The following MEGF11 variants were observed in gnomAD, a reference collection of about 807,000 sequenced individuals.
The protein encoded by MEGF11 is multiple EGF like domains 11.
MEGF11 carries 126 observed loss-of-function variants against 146.6 expected under a neutral mutation model. The observed-to-expected ratio is 0.86, with a 90% CI of 0.74 to 1.00. The LOEUF is 1.00. MEGF11 is among the 50% of genes least tolerant of loss of function. The pLI is 0.00. For missense variants in MEGF11, 1,509 were observed against 1,521.2 expected (o/e 0.99, Z 0.13); for synonymous variants, 532 against 583.4 (o/e 0.91, Z 1.27).
At chr15:65,916,348 C>A in intron 17 of MEGF11, 72 bp from the exon 18 acceptor site, 1 of 1,480,992 alleles carries the variant, frequency 6.8e-7, no homozygotes, top group South Asian at 1.3e-5. Flanking sequence ...GGAACCAGAC[C>A]TGTCTTCTGT....
chr15:66,219,511 C>T (rs1325815945), intron 1 of MEGF11, among the ~76,000 whole-genome samples: 1 of 152,190 alleles, frequency 6.6e-6, no homozygotes, highest in Admixed American at 6.5e-5. Context: ...TCAATGAGAT[C>T]TCATGCAGAA....
At chr15:65,946,276 G>A (rs1357014716) in intron 10 of MEGF11, among the ~76,000 whole-genome samples, 1 of 152,190 alleles carries the variant, frequency 6.6e-6, no homozygotes, top group Non-Finnish European at 1.5e-5. Context: ...CGAGCAAAGG[G>A]TGAACCTACC....
chr15:66,141,054 G>A (rs2089125553), intron 1 of MEGF11, among the ~76,000 whole-genome samples: 1 of 152,062 alleles, frequency 6.6e-6, no homozygotes, highest in South Asian at 2.1e-4. Flanking sequence ...ACTGTGCCAG[G>A]TGCCAGCCTT....
chr15:66,158,767 T>C (rs959549206), intron 1 of MEGF11, among the ~76,000 whole-genome samples: 1 of 152,208 alleles, frequency 6.6e-6, no homozygotes, highest in Non-Finnish European at 1.5e-5. Context: ...AAATATCTCC[T>C]TCACCTTTGG....
At chr15:66,098,458 T>G (rs1467114848) in intron 4 of MEGF11, among the ~76,000 whole-genome samples, 2 of 152,228 alleles carry the variant, frequency 1.3e-5, no homozygotes, top group Non-Finnish European at 2.9e-5. Flanking sequence ...TTAATGGAAC[T>G]ATAAAAATTA....
intron 5 of MEGF11, among the ~76,000 whole-genome samples, chr15:65,988,708 A>G (rs186980207): frequency 2.6e-4 from 39 of 152,296 alleles, no homozygotes; most frequent in African/African-American, 7.9e-4. Context: ...TGCCTTCACT[A>G]CTGTATAGGA....
At chr15:66,197,375 C>T (rs1029560186) in intron 1 of MEGF11, among the ~76,000 whole-genome samples, 6 of 152,102 alleles carry the variant, frequency 3.9e-5, no homozygotes, top group African/African-American at 1.4e-4. Flanking sequence ...TGCACATTTT[C>T]CCTGCCTTTG....
rs1215276359 is a variant in MEGF11, at chr15:65,895,834, C to T, written c.*2100G>A. On this transcript the variant is annotated 3_prime_UTR_variant, in exon 26 of 26. Transcript: ENST00000395614. ...AAAAAAGGGAGCCCAGAGAGGGCGACTAACTTGACCAGAGTAACACTGAAA... is the reference window on the plus strand; with the variant it reads ...AAAAAAGGGAGCCCAGAGAGGGCGATTAACTTGACCAGAGTAACACTGAAA... 3 of 152,310 alleles carry T rather than the reference C, an allele frequency of 2.0e-5. No individual in the cohort carries two copies. The highest frequency in any genetic ancestry group is 7.2e-5 in the African/African-American group (3 of 41,466). 9.4% of individuals were successfully genotyped at this position (152,310 alleles called of 1,614,324 possible).
chr15:66,017,801 G>C (rs1051378626), intron 5 of MEGF11, among the ~76,000 whole-genome samples: 1 of 152,360 alleles, frequency 6.6e-6, no homozygotes, highest in South Asian at 2.1e-4. Context: ...GCCTAAGAGT[G>C]AGTGAGCAGG....
chr15:65,898,699 T>G, intron 25 of MEGF11, 29 bp downstream of exon 25: 1 of 1,611,398 alleles, frequency 6.2e-7, no homozygotes, highest in Non-Finnish European at 8.5e-7. Context: ...TGCCCTGATT[T>G]CACTAAGTTA....
chr15:66,159,822 C>A (rs558351546), intron 1 of MEGF11, among the ~76,000 whole-genome samples: 1 of 151,806 alleles, frequency 6.6e-6, no homozygotes, highest in African/African-American at 2.4e-5. Context: ...GCTGGATTCT[C>A]GAAGGGTTAA....
At chr15:66,087,000 CCAA>C (rs2140605214) in intron 5 of MEGF11, among the ~76,000 whole-genome samples, 1 of 152,230 alleles carries the variant, frequency 6.6e-6, no homozygotes, top group South Asian at 2.1e-4. Flanking sequence ...CAACTGGACA[CCAA>C]AAGCGAGCAG....
At chr15:66,042,603 C>T (rs1256491424) in intron 5 of MEGF11, among the ~76,000 whole-genome samples, 1 of 152,188 alleles carries the variant, frequency 6.6e-6, no homozygotes, top group East Asian at 1.9e-4. Context: ...CATTTATCAA[C>T]TCACAGTTCC....
intron 1 of MEGF11, among the ~76,000 whole-genome samples, chr15:66,170,949 G>C (rs1031938896): frequency 6.6e-6 from 1 of 152,184 alleles, no homozygotes; most frequent in Non-Finnish European, 1.5e-5. Context: ...CTGCCCCGGG[G>C]GACCACCAAA....
chr15:66,091,268 G>T (rs928021368), intron 5 of MEGF11, among the ~76,000 whole-genome samples: 14 of 152,186 alleles, frequency 9.2e-5, no homozygotes, highest in African/African-American at 3.4e-4. Context: ...CATGTAGCAA[G>T]CAGGCTCAAA....
intron 5 of MEGF11, among the ~76,000 whole-genome samples, chr15:66,082,735 G>T (rs189445245): frequency 6.9e-6 from 1 of 144,650 alleles, no homozygotes; most frequent in Non-Finnish European, 1.5e-5. Flanking sequence ...TGCACACAGC[G>T]GGAGCACAAA....
intron 19 of MEGF11, 182 bp from the exon 20 acceptor site, chr15:65,914,155 A>G: frequency 1.7e-6 from 1 of 596,078 alleles, no homozygotes; most frequent in Non-Finnish European, 3.0e-6. Flanking sequence ...CCTAAAGGGG[A>G]TGGAGTCTCA....
chr15:65,922,466 G>C lies in MEGF11; in HGVS notation c.1829C>G (p.Pro610Arg). The C allele has an allele frequency of 6.4e-7, 1 of 1,571,684 alleles. No homozygotes were observed. ...FRGPLCQRIC[P>R]PGFYGHGCAQ... is the part of the protein sequence containing the mutation. Reference sequence around the variant, plus strand: ...GCAGCCGTGGCCATAGAACCCAGGGGGGCAGACTGAGGGTGAAGGGAAGAT... The same window carrying C: ...GCAGCCGTGGCCATAGAACCCAGGGCGGCAGACTGAGGGTGAAGGGAAGAT... The change falls in exon 15 of 26, where the codon CCC becomes CGC. Residue 610 changes from proline to arginine, a missense_variant. Pro to Arg is a moderately radical substitution (Grantham distance 103). Coordinates refer to ENST00000395614, the MANE Select transcript of MEGF11 (RefSeq NM_001385028.1).
intron 1 of MEGF11, among the ~76,000 whole-genome samples, chr15:66,230,761 G>A (rs2091951970): frequency 6.6e-6 from 1 of 152,106 alleles, no homozygotes; most frequent in Non-Finnish European, 1.5e-5. Flanking sequence ...CTCTACCTGG[G>A]GTCTCCAAAA....
Sources: allele counts gnomAD v4.1 joint callset (sites outside exome capture counted in the v4.1 genomes callset), GRCh38; gene constraint gnomAD v4.1.1; transcripts MANE v1.5; gene names NCBI Gene and HGNC (gene_info 2026-07-23, HGNC 2026-07-21).